Variants in UMOD observed in about 807,000 individuals in gnomAD.
UMOD encodes Tamm-Horsfall urinary glycoprotein.
UMOD carries 64 observed loss-of-function variants against 66.0 expected under a neutral mutation model. The observed-to-expected ratio is 0.97, with a 90% CI of 0.79 to 1.19. The LOEUF (loss-of-function observed/expected upper bound fraction) is 1.19. UMOD is among the 50% of genes most tolerant of loss of function. UMOD has a pLI of 0.00. For missense variants in UMOD, 764 were observed against 850.9 expected, an observed-to-expected ratio of 0.90 and a Z score of 1.27; for synonymous variants, 398 against 352.7, an observed-to-expected ratio of 1.13 and a Z score of -1.44.
In UMOD at chr16:20,349,017, G is replaced by GA; in HGVS notation, c.283_284insT (p.Pro95LeufsTer17). 13 of 1,587,820 alleles carry GA rather than the reference G, an allele frequency of 8.2e-6. No individual in the cohort carries two copies. The highest frequency in any genetic ancestry group is 1.1e-5 in the Non-Finnish European group (13 of 1,167,238). On this transcript the variant is annotated frameshift_variant, in exon 3 of 11. Coordinates refer to ENST00000396138, the MANE Select transcript of UMOD (RefSeq NM_003361.4). LOFTEE classifies it high-confidence loss of function. Reference sequence around the variant, plus strand: ...ACCGGGCGACAGGCGGAAGCCTTCGGGGCAGACGCAGGAGAAGGAGCCTGG... The same window carrying GA: ...ACCGGGCGACAGGCGGAAGCCTTCGGAGGCAGACGCAGGAGAAGGAGCCTGG...
intron 7 of UMOD, among the ~76,000 whole-genome samples, chr16:20,339,515 A>G (rs1169411897): frequency 2.0e-5 from 3 of 152,360 alleles, no homozygotes; most frequent in Middle Eastern, 3.4e-3. Context: ...TAATTGCAAA[A>G]TGCTCTGAAA....
intron 2 of UMOD, chr16:20,349,924 A>T: frequency 6.6e-7 from 1 of 1,508,128 alleles, no homozygotes; most frequent in East Asian, 2.5e-5. Flanking sequence ...TTATTAAGCA[A>T]TTACTATATG....
intron 7 of UMOD, 59 bp downstream of exon 7, chr16:20,341,032 G>C: frequency 7.2e-7 from 1 of 1,386,056 alleles, no homozygotes; most frequent in East Asian, 2.3e-5. Flanking sequence ...CTCCATCCAA[G>C]TCCAAAGACC....
intron 7 of UMOD, 40 bp downstream of exon 7, chr16:20,341,051 A>T: frequency 6.2e-7 from 1 of 1,603,156 alleles, no homozygotes; most frequent in Non-Finnish European, 8.5e-7. Context: ...CCCCCTCTGA[A>T]TTCTACCCAT....
In UMOD at chr16:20,348,695, C is replaced by T. The variant is rs1241606471; in HGVS notation, c.606G>A (p.Trp202Ter). Residue 202 changes from tryptophan (W) to a stop codon, truncating the protein, a stop_gained, in exon 3 of 11, where the codon TGG becomes TGA. Transcript: ENST00000396138. LOFTEE classifies it high-confidence loss of function. ...CACCGCCCTGGCCCACGAAGCGGTA[C>T]CAGCCGCGCAGGTCCGTGTCGCAGG... is the stretch of plus-strand genomic sequence containing the variant. ...GYACDTDLRG[W>*]YRFVGQGGAR... 11 of 1,553,402 alleles carry T rather than the reference C, an allele frequency of 7.1e-6. No homozygotes were observed. The highest frequency in any genetic ancestry group is 1.2e-5 in the South Asian group (1 of 84,860).
intron 7 of UMOD, among the ~76,000 whole-genome samples, chr16:20,338,629 G>C (rs1315166140): frequency 6.6e-6 from 1 of 151,946 alleles, no homozygotes; most frequent in African/African-American, 2.4e-5. Context: ...GAGTAGCTAG[G>C]ATTACAGGTG....
chr16:20,350,293 A>C (rs1364178924), intron 2 of UMOD, among the ~76,000 whole-genome samples: 1 of 152,128 alleles, frequency 6.6e-6, no homozygotes, highest in Non-Finnish European at 1.5e-5. Flanking sequence ...TATGTGATAG[A>C]GTATGTTTCT....
At chr16:20,345,400 T>TTTTTTTTCTTTCTTTCTTTCTTTCTTTC (rs1555486828) in intron 5 of UMOD, among the ~76,000 whole-genome samples, 1 of 78,038 alleles carries the variant, frequency 1.3e-5, no homozygotes, top group East Asian at 2.5e-4. Flanking sequence ...TTTTCTTTTT[T>TTTTTTTTCTTTCTTTCTTTCTTTCTTTC]TTTCTTTCTT....
intron 6 of UMOD, chr16:20,342,434 A>AT (rs1965279568): frequency 6.6e-6 from 1 of 152,380 alleles, no homozygotes; most frequent in South Asian, 2.1e-4. Context: ...ACGGGGCCAC[A>AT]TTGCTCCAGG....
At chr16:20,340,296 T>TG (rs1965120320) in intron 7 of UMOD, among the ~76,000 whole-genome samples, 1 of 151,950 alleles carries the variant, frequency 6.6e-6, no homozygotes, top group South Asian at 2.1e-4. Flanking sequence ...CGCTTGAGCC[T>TG]GGGTGGTTGA....
chr16:20,348,664 T>G lies in UMOD; in HGVS notation c.637A>C (p.Met213Leu), dbSNP rs746289589. ...AGGACTGGCACGCAGGTCTCGGCCATGCGCGCACCGCCCTGGCCCACGAAG... is the reference window on the plus strand; with the variant it reads ...AGGACTGGCACGCAGGTCTCGGCCAGGCGCGCACCGCCCTGGCCCACGAAG... ...YRFVGQGGAR[M>L]AETCVPVLRC... The change falls in exon 3 of 11, where the codon ATG becomes CTG. Residue 213 changes from methionine to leucine, a missense_variant. Transcript: ENST00000396138. 4 of 1,557,966 alleles carry G rather than the reference T, an allele frequency of 2.6e-6. No homozygotes were observed. The Admixed American group carries it at 5.6e-5, about 22-fold the overall frequency.
In UMOD at chr16:20,348,333, G is replaced by A. The variant is rs374734179; in HGVS notation, c.866-3C>T. On this transcript the variant is annotated splice_region_variant and splice_polypyrimidine_tract_variant and intron_variant, in intron 3 of 10. Coordinates refer to ENST00000396138, the MANE Select transcript of UMOD (RefSeq NM_003361.4). The stretch of plus-strand genomic sequence containing the variant: ...CGTCCCCTCCACGGAGCTGGGGTCT[G>A]CAGGGTCACAGGGACAGACAGACAA... 1.9e-6 allele frequency: 3 copies of A among 1,614,072 alleles called. No homozygotes were observed. The highest frequency in any genetic ancestry group is 2.7e-5 in the African/African-American group (2 of 74,952).
chr16:20,345,400 TTTTC>T (rs797021829), intron 5 of UMOD, among the ~76,000 whole-genome samples: 2,165 of 77,980 alleles, frequency 0.028, 70 homozygotes, highest in African/African-American at 0.086. Flanking sequence ...TTTTCTTTTT[TTTTC>T]TTTCTTTCTT....
In UMOD at chr16:20,346,378, G is replaced by A. The variant is rs1027133749; in HGVS notation, c.974-44C>T. On this transcript the variant is annotated intron_variant, in intron 4 of 10. Coordinates refer to ENST00000396138, the MANE Select transcript of UMOD (RefSeq NM_003361.4). ...GATTGAGGACGTGTGTCTATAGCTT[G>A]GGGGCCCAGCACATCCCCAGGGGCC... The A allele has an allele frequency of 3.1e-6, 5 of 1,606,674 alleles. 1 individual carries two copies. Among genetic ancestry groups the A allele is most frequent in the Non-Finnish European group, 3.4e-6 (4 of 1,174,070 alleles).
chr16:20,351,137 C>T (rs1965870275), intron 1 of UMOD: 1 of 269,500 alleles, frequency 3.7e-6, no homozygotes, highest in African/African-American at 2.2e-5. Context: ...CACCACTTTA[C>T]TGAAGGCAGC....
intron 1 of UMOD, chr16:20,351,217 A>G (rs956509874): frequency 1.6e-5 from 4 of 242,832 alleles, no homozygotes; most frequent in Non-Finnish European, 1.6e-5. Flanking sequence ...TTCAACAAAC[A>G]TCTATTGAGT....
intron 4 of UMOD, among the ~76,000 whole-genome samples, chr16:20,346,620 C>T (rs947528381): frequency 4.6e-5 from 7 of 152,136 alleles, no homozygotes; most frequent in African/African-American, 1.7e-4. Flanking sequence ...CATTAAATAA[C>T]AATGAATACT....
upstream of UMOD, among the ~76,000 whole-genome samples, chr16:20,355,767 A>G (rs1204063372): frequency 6.6e-6 from 1 of 152,088 alleles, no homozygotes; most frequent in African/African-American, 2.4e-5. Flanking sequence ...GCTGAGAACA[A>G]TCACCCACTG....
chr16:20,343,208 G>A (rs1187630149), intron 6 of UMOD, among the ~76,000 whole-genome samples: 2 of 151,878 alleles, frequency 1.3e-5, no homozygotes, highest in Non-Finnish European at 2.9e-5. Flanking sequence ...TCATTGGCCT[G>A]TGATTCATCC....
Sources: gnomAD v4.1 joint callset for allele counts (sites outside exome capture counted in the v4.1 genomes callset) on GRCh38, gnomAD v4.1.1 for gene constraint, MANE v1.5 for transcripts, NCBI Gene and HGNC (gene_info 2026-07-23, HGNC 2026-07-21) for gene names.